Variants in ULK4 observed in about 807,000 individuals in gnomAD.
The protein encoded by ULK4 is unc-51 like kinase 4.
In ULK4, 133 loss-of-function variants were observed where a neutral mutation model predicts 160.6. The ratio of observed to expected loss-of-function variants is 0.83; its 90% CI spans 0.72 to 0.96. ULK4 has a LOEUF of 0.96. ULK4 is among the 40% of genes least tolerant of loss of function. The probability of loss-of-function intolerance (pLI) is 0.00; values close to 1 mark genes in which losing one functional copy is unlikely to be tolerated. For synonymous variants in ULK4, 534 were observed against 539.8 expected, an observed-to-expected ratio of 0.99 and a Z score of 0.15; for missense variants, 1,580 against 1,499.5, an observed-to-expected ratio of 1.05 and a Z score of -0.89.
In ULK4 at chr3:41,873,881, G is replaced by GGT. The variant is rs1553679857; in HGVS notation, c.1656+9992_1656+9993insAC. On this transcript the variant is annotated intron_variant, in intron 17 of 36. Coordinates refer to ENST00000301831, the MANE Select transcript of ULK4 (RefSeq NM_017886.4). ...TAGGTTTGTTTTTGTGGTTTTTTTTGTTTTTTTTTTTTGATGTGGGAGGAT... is the reference window on the plus strand; with the variant it reads ...TAGGTTTGTTTTTGTGGTTTTTTTTGGTTTTTTTTTTTTTGATGTGGGAGGAT... Among the ~76,000 whole-genome samples, 65 of 113,572 alleles carry GGT rather than the reference G, an allele frequency of 5.7e-4. 1 individual carries two copies. The highest frequency in any genetic ancestry group is 1.9e-3 in the African/African-American group (60 of 30,952). The allele number at this position is 113,572 out of a possible 152,430, so 74.5% of individuals were successfully genotyped here. A position where few individuals can be genotyped will look rare whatever the true frequency, so the allele number is the denominator to read the frequency against.
Position 41,346,541 on chromosome 3 carries a change from C to G in ULK4, c.3678+51538G>C, listed in dbSNP as rs143471379. On this transcript the variant is annotated intron_variant, in intron 35 of 36. Coordinates refer to ENST00000301831, the MANE Select transcript of ULK4 (RefSeq NM_017886.4). ...CTGGAGAGCAAGAGGTAAGTCAGAC[C>G]GAGGCAGGTATGAGGAGGAACGGAC... Among the ~76,000 whole-genome samples, 72 of 152,174 alleles carry G rather than the reference C, an allele frequency of 4.7e-4. 1 individual carries two copies. Among genetic ancestry groups the G allele is most frequent in the African/African-American group, 1.6e-3 (66 of 41,516 alleles).
At chr3:41,705,984 AGTAC>A (rs1179027313) in intron 25 of ULK4, among the ~76,000 whole-genome samples, 1 of 152,164 alleles carries the variant, frequency 6.6e-6, no homozygotes, top group East Asian at 1.9e-4. Context: ...AGCTACCCTG[AGTAC>A]AAACTGTGTC....
At chr3:41,789,621 A>C (rs770645841) in intron 21 of ULK4, 40 bp downstream of exon 21, 2 of 1,492,258 alleles carry the variant, frequency 1.3e-6, no homozygotes, top group African/African-American at 2.9e-5. Flanking sequence ...AGAAGAAAAC[A>C]ATTTTTAATG....
At chr3:41,406,714 T>C (rs1257340603) in intron 34 of ULK4, among the ~76,000 whole-genome samples, 1 of 152,226 alleles carries the variant, frequency 6.6e-6, no homozygotes, top group East Asian at 1.9e-4. Context: ...TACTTGAACA[T>C]TCTATTTTTC....
At chr3:41,901,146 T>G (rs1028002361) in intron 12 of ULK4, among the ~76,000 whole-genome samples, 1 of 151,534 alleles carries the variant, frequency 6.6e-6, no homozygotes, top group Non-Finnish European at 1.5e-5. Flanking sequence ...ATGAGGCAAA[T>G]TGGTTTTTCC....
intron 17 of ULK4, among the ~76,000 whole-genome samples, chr3:41,873,663 C>A (rs1190929709): frequency 6.6e-6 from 1 of 152,144 alleles, no homozygotes; most frequent in Non-Finnish European, 1.5e-5. Flanking sequence ...AAGCGATTCT[C>A]CTGCCTTAGT....
Position 41,898,421 on chromosome 3 carries a change from T to C in ULK4, c.1348+11A>G. 1 of 1,563,456 alleles carries C rather than the reference T, an allele frequency of 6.4e-7. No homozygotes were observed. Among genetic ancestry groups the C allele is most frequent in the Non-Finnish European group, 8.7e-7 (1 of 1,147,006 alleles). On this transcript the variant is annotated intron_variant, in intron 14 of 36. Transcript: ENST00000301831. ...GAGTCTACATGTTCGATAAGTCCTT[T>C]ATGATCCTACCTGAATATGTTGGTA...
chr3:41,955,217 G>C (rs1436350401), intron 1 of ULK4, among the ~76,000 whole-genome samples: 2 of 152,196 alleles, frequency 1.3e-5, no homozygotes, highest in Admixed American at 1.3e-4. Context: ...TTGAACCCGG[G>C]AGGCGGAGGC....
At chr3:41,455,723 G>A in intron 33 of ULK4, 128 bp from the exon 34 acceptor site, 4 of 715,336 alleles carry the variant, frequency 5.6e-6, no homozygotes, top group South Asian at 5.3e-5. Context: ...TCCCAAGGAT[G>A]GAATAGATGG....
At chr3:41,273,039 C>G (rs1421630192) in intron 35 of ULK4, among the ~76,000 whole-genome samples, 1 of 152,096 alleles carries the variant, frequency 6.6e-6, no homozygotes, top group Non-Finnish European at 1.5e-5. Context: ...TCTGGATTGG[C>G]TTTGATAGAC....
At chr3:41,508,820 C>T (rs1477649405) in intron 32 of ULK4, among the ~76,000 whole-genome samples, 1 of 152,146 alleles carries the variant, frequency 6.6e-6, no homozygotes, top group Non-Finnish European at 1.5e-5. Flanking sequence ...AGAATCTGAA[C>T]AGCAGCCCTT....
chr3:41,306,118 G>A (rs553419347), intron 35 of ULK4, among the ~76,000 whole-genome samples: 3 of 103,220 alleles, frequency 2.9e-5, no homozygotes, highest in Non-Finnish European at 6.0e-5. Context: ...CACCCCGTCC[G>A]GGAGGGAGGT....
At chr3:41,937,311 T>A (rs1338100908) in intron 3 of ULK4, 2 of 694,002 alleles carry the variant, frequency 2.9e-6, no homozygotes, top group East Asian at 2.7e-5. Flanking sequence ...CATGTGTACA[T>A]CCATGGAAGT....
intron 17 of ULK4, among the ~76,000 whole-genome samples, chr3:41,881,539 AGT>A (rs1697521880): frequency 6.6e-6 from 1 of 152,186 alleles, no homozygotes; most frequent in South Asian, 2.1e-4. Flanking sequence ...AGAACTAAAA[AGT>A]GTTGAGAAAT....
At chr3:41,663,797 GA>G (rs1405656131) in intron 29 of ULK4, 98 bp from the exon 30 acceptor site, 9 of 1,011,832 alleles carry the variant, frequency 8.9e-6, no homozygotes, top group Non-Finnish European at 3.0e-6. Flanking sequence ...GCTTAAGACA[GA>G]AAGATATTTT....
chr3:41,906,090 G>A (rs1461358354), intron 12 of ULK4, among the ~76,000 whole-genome samples: 4 of 151,894 alleles, frequency 2.6e-5, no homozygotes, highest in African/African-American at 7.3e-5. Flanking sequence ...GGTGGCAGGC[G>A]CCTGTAGTCC....
intron 35 of ULK4, among the ~76,000 whole-genome samples, chr3:41,273,614 C>T (rs561485421): frequency 5.6e-4 from 86 of 152,308 alleles, no homozygotes; most frequent in Non-Finnish European, 1.0e-3. Context: ...CAGTTCCTCT[C>T]TCCTATAGTT....
intron 31 of ULK4, among the ~76,000 whole-genome samples, chr3:41,578,310 G>A (rs2088269521): frequency 6.6e-6 from 1 of 152,154 alleles, no homozygotes; most frequent in Non-Finnish European, 1.5e-5. Flanking sequence ...GGAATTTGCT[G>A]CACTTGGTAT....
intron 30 of ULK4, among the ~76,000 whole-genome samples, chr3:41,639,911 C>A (rs570130103): frequency 1.2e-4 from 19 of 152,074 alleles, no homozygotes; most frequent in African/African-American, 3.9e-4. Context: ...TAATGATACC[C>A]GTGATGACTG....
Sources: allele counts gnomAD v4.1 joint callset (sites outside exome capture counted in the v4.1 genomes callset), GRCh38; gene constraint gnomAD v4.1.1; transcripts MANE v1.5; gene names NCBI Gene and HGNC (gene_info 2026-07-23, HGNC 2026-07-21).